The following SH3RF2 variants were observed in gnomAD, a reference collection of about 807,000 sequenced individuals.
The protein encoded by SH3RF2 is E3 ubiquitin-protein ligase SH3RF2.
SH3RF2 carries 43 observed loss-of-function variants against 59.0 expected under a neutral mutation model. The ratio of observed to expected loss-of-function variants is 0.73; its 90% CI spans 0.57 to 0.94. The LOEUF is 0.94. Ranked by LOEUF, SH3RF2 falls within the 40% of genes least tolerant of loss-of-function variation. The pLI is 0.00. For synonymous variants in SH3RF2, 391 were observed against 391.5 expected, an observed-to-expected ratio of 1.00 and a Z score of 0.01; for missense variants, 930 against 940.1, an observed-to-expected ratio of 0.99 and a Z score of 0.14.
chr5:146,010,834 G>A (rs1405573167), intron 4 of SH3RF2, among the ~76,000 whole-genome samples: 1 of 152,112 alleles, frequency 6.6e-6, no homozygotes, highest in African/African-American at 2.4e-5. Flanking sequence ...TAGGTTGCCT[G>A]TTCACTCCGA....
In SH3RF2 at chr5:146,013,908, A is replaced by G; in HGVS notation, c.906A>G (p.Thr302=). The change falls in exon 5 of 10, where the codon ACA becomes ACG. Residue 302 remains threonine (T), a synonymous_variant. Transcript: ENST00000359120. ...RRKVPGQFSI[T]TALNTLNRMV... ...AGGTGCCTGGGCAGTTTTCCATCACAACAGCCTTGAACACTCTCAACCGGA... is the reference window on the plus strand; with the variant it reads ...AGGTGCCTGGGCAGTTTTCCATCACGACAGCCTTGAACACTCTCAACCGGA... The G allele has an allele frequency of 1.9e-6, 3 of 1,614,092 alleles. No individual in the cohort carries two copies. Among genetic ancestry groups the G allele is most frequent in the Non-Finnish European group, 1.7e-6 (2 of 1,180,002 alleles).
At position 145,950,781 on chromosome 5, in the gene SH3RF2, G is replaced by A. The variant is rs148433046; in HGVS notation, c.378+12475G>A. On this transcript the variant is annotated intron_variant, in intron 2 of 9. Coordinates refer to ENST00000359120, the MANE Select transcript of SH3RF2 (RefSeq NM_152550.4). ...TTTCCTGAAATGTAAACAGATTCAG[G>A]ACAAAATATATTTCATTCCTAACAG... Among the ~76,000 whole-genome samples the A allele has an allele frequency of 4.1e-3, 631 of 152,258 alleles. 5 individuals are homozygous for A. Among genetic ancestry groups the A allele is most frequent in the African/African-American group, 0.015 (615 of 41,564 alleles).
chr5:146,035,338 A>AT (rs1032965135), intron 5 of SH3RF2, among the ~76,000 whole-genome samples: 6 of 145,168 alleles, frequency 4.1e-5, no homozygotes, highest in African/African-American at 1.2e-4. Flanking sequence ...CTTAGAAGGG[A>AT]TTTTTTTTAA....
chr5:145,994,566 G>A (rs1760077957), intron 2 of SH3RF2, among the ~76,000 whole-genome samples: 1 of 152,154 alleles, frequency 6.6e-6, no homozygotes, highest in South Asian at 2.1e-4. Flanking sequence ...GAGAAAATGA[G>A]GAAGAAACAA....
intron 5 of SH3RF2, among the ~76,000 whole-genome samples, chr5:146,020,084 C>T (rs1761256853): frequency 6.6e-6 from 1 of 152,078 alleles, no homozygotes; most frequent in Non-Finnish European, 1.5e-5. Flanking sequence ...AATTTGGATG[C>T]CCTTTATTTC....
At chr5:146,016,789 G>C (rs1161172900) in intron 5 of SH3RF2, among the ~76,000 whole-genome samples, 2 of 152,098 alleles carry the variant, frequency 1.3e-5, no homozygotes, top group African/African-American at 4.8e-5. Flanking sequence ...CCTTTTGAAT[G>C]CTAAGGCCTT....
At position 146,060,148 on chromosome 5, in the gene SH3RF2, C is replaced by T. The variant is rs1254225360; in HGVS notation, c.1838C>T (p.Pro613Leu). The T allele has an allele frequency of 3.7e-6, 6 of 1,614,176 alleles. No homozygotes were observed. In the Admixed American group the frequency reaches 1.0e-4, roughly 27 times the overall value. The change falls in exon 9 of 10, where the codon CCT (proline) becomes CTT (leucine). Residue 613 changes from proline (P) to leucine (L), a missense_variant. Transcript: ENST00000359120. ...AAAGAAATCCCCATCAAGAGTGAGC[C>T]TCTGCCAAAACCGCCCGCATCTGCC... is the stretch of plus-strand genomic sequence containing the variant. ...EDKEIPIKSE[P>L]LPKPPASAPP...
At chr5:145,950,707 A>G (rs1325945785) in intron 2 of SH3RF2, among the ~76,000 whole-genome samples, 1 of 152,216 alleles carries the variant, frequency 6.6e-6, no homozygotes, top group African/African-American at 2.4e-5. Context: ...TATTTGGAAG[A>G]GAGATTTTAT....
At chr5:146,012,791 CT>C (rs1360399960) in intron 4 of SH3RF2, among the ~76,000 whole-genome samples, 3 of 152,004 alleles carry the variant, frequency 2.0e-5, no homozygotes, top group Non-Finnish European at 2.9e-5. Context: ...TGACATATTG[CT>C]TGTGAGAATG....
At chr5:146,009,861 A>G (rs561314740) in intron 4 of SH3RF2, among the ~76,000 whole-genome samples, 2 of 152,242 alleles carry the variant, frequency 1.3e-5, no homozygotes, top group South Asian at 4.1e-4. Flanking sequence ...CATTCAATAA[A>G]ATTTTCTATC....
At chr5:146,034,361 G>T (rs1580893437) in intron 5 of SH3RF2, among the ~76,000 whole-genome samples, 1 of 152,300 alleles carries the variant, frequency 6.6e-6, no homozygotes, top group Non-Finnish European at 1.5e-5. Flanking sequence ...CACAGGCTGG[G>T]ACCTCGGGGC....
chr5:146,014,521 A>G (rs1761033656), intron 5 of SH3RF2, among the ~76,000 whole-genome samples: 1 of 152,220 alleles, frequency 6.6e-6, no homozygotes. Context: ...AAAAGAAACT[A>G]TGGGTTATTG....
chr5:145,984,881 G>T (rs1015834606), intron 2 of SH3RF2, among the ~76,000 whole-genome samples: 3 of 152,336 alleles, frequency 2.0e-5, no homozygotes, highest in East Asian at 1.9e-4. Flanking sequence ...CTTCAGCTGG[G>T]CATGGTGGCT....
chr5:145,985,890 G>T (rs961771418), intron 2 of SH3RF2, among the ~76,000 whole-genome samples: 1 of 152,154 alleles, frequency 6.6e-6, no homozygotes, highest in East Asian at 1.9e-4. Context: ...TGTAGTCCTG[G>T]CTATTTTGGA....
At chr5:145,963,704 T>C (rs529592294) in intron 2 of SH3RF2, among the ~76,000 whole-genome samples, 2 of 152,316 alleles carry the variant, frequency 1.3e-5, no homozygotes, top group African/African-American at 4.8e-5. Flanking sequence ...TCCAAGTCCC[T>C]TGGAGACAGA....
At chr5:146,010,960 G>T (rs79057150) in intron 4 of SH3RF2, among the ~76,000 whole-genome samples, 86,313 of 151,542 alleles carry the variant, frequency 0.57, 25,336 homozygotes, top group Middle Eastern at 0.79. Context: ...TGCCCATGCC[G>T]ATGTCCTGAA....
intron 2 of SH3RF2, among the ~76,000 whole-genome samples, chr5:145,950,683 G>A (rs1234751567): frequency 1.3e-5 from 2 of 152,214 alleles, no homozygotes; most frequent in African/African-American, 4.8e-5. Flanking sequence ...GAAATCAAAT[G>A]TGCAAGGGAG....
chr5:146,057,972 C>CTATATATATATATATATATA (rs1402735122), intron 8 of SH3RF2, among the ~76,000 whole-genome samples: 2 of 81,262 alleles, frequency 2.5e-5, no homozygotes, highest in Admixed American at 1.4e-4. Flanking sequence ...CTCTCTCTAT[C>CTATATATATATATATATATA]TATCTATCTA....
intron 2 of SH3RF2, among the ~76,000 whole-genome samples, chr5:145,971,212 GC>G (rs745335630): frequency 2.3e-4 from 35 of 152,328 alleles, no homozygotes; most frequent in Non-Finnish European, 4.6e-4. Flanking sequence ...TTAAAACTGA[GC>G]CCTTGGGCTT....
Sources: allele counts gnomAD v4.1 joint callset (sites outside exome capture counted in the v4.1 genomes callset), GRCh38; gene constraint gnomAD v4.1.1; transcripts MANE v1.5; gene names NCBI Gene and HGNC (gene_info 2026-07-23, HGNC 2026-07-21).